Variants in SLC39A11 observed in about 807,000 individuals in gnomAD.
SLC39A11 encodes zinc transporter ZIP11.
Under a neutral mutation model 36.1 loss-of-function variants are expected in SLC39A11, and 33 were observed. The observed-to-expected ratio is 0.91, with a 90% CI of 0.69 to 1.22. The LOEUF (loss-of-function observed/expected upper bound fraction) is 1.22, where lower values mean the gene tolerates loss of function less well. Among genes scored for constraint, SLC39A11 ranks in the 50% most tolerant of loss-of-function variants. The pLI is 0.00. For synonymous variants in SLC39A11, 166 were observed against 170.3 expected (o/e 0.97, Z 0.20); for missense variants, 432 against 430.3 (o/e 1.00, Z -0.03).
intron 5 of SLC39A11, among the ~76,000 whole-genome samples, chr17:72,884,544 G>A (rs971357627): frequency 7.2e-5 from 11 of 152,232 alleles, no homozygotes; most frequent in Admixed American, 2.6e-4. Context: ...ATTTACCTGC[G>A]CTGTGTCTCG....
chr17:72,736,685 T>C lies in SLC39A11; in HGVS notation c.636A>G (p.Ile212Met), dbSNP rs750812213. The change falls in exon 7 of 10, where the codon ATA becomes ATG. Residue 212 changes from isoleucine to methionine, a missense_variant. Ile to Met is a conservative substitution (Grantham distance 10). Transcript: ENST00000255559. ...CAAAGGTAGCAGATGCCGTCTTTTC[T>C]ATAGCCCCAAATCCAACTCCAACAG... ...GLAVGVGFGAIEKTASATFES... is the reference protein window; with the variant it reads ...GLAVGVGFGAMEKTASATFES... 6.2e-7 allele frequency: 1 copy of C among 1,614,104 alleles called. No homozygotes were observed. Among genetic ancestry groups the C allele is most frequent in the Non-Finnish European group, 8.5e-7 (1 of 1,179,992 alleles).
intron 3 of SLC39A11, among the ~76,000 whole-genome samples, chr17:73,080,460 C>T (rs1346635617): frequency 6.6e-6 from 1 of 152,164 alleles, no homozygotes; most frequent in African/African-American, 2.4e-5. Context: ...GGATCCTCAT[C>T]TCTCACCTTA....
chr17:72,880,905 T>C (rs76454455), intron 5 of SLC39A11, among the ~76,000 whole-genome samples: 4 of 150,714 alleles, frequency 2.7e-5, no homozygotes, highest in African/African-American at 9.8e-5. Flanking sequence ...ATGATCTCAA[T>C]CTCCTGACCT....
At chr17:72,975,571 C>T (rs2087784053) in intron 4 of SLC39A11, among the ~76,000 whole-genome samples, 1 of 152,224 alleles carries the variant, frequency 6.6e-6, no homozygotes, top group African/African-American at 2.4e-5. Flanking sequence ...TTCACAGACA[C>T]AAATCTGCTG....
In SLC39A11 at chr17:73,040,988, A is replaced by AAAAAAC. The variant is rs143631644; in HGVS notation, c.148-9275_148-9274insGTTTTT. 1.4e-4 allele frequency among the ~76,000 whole-genome samples: 18 copies of AAAAAAC among 132,208 alleles called. No homozygotes were observed. In the East Asian group the frequency reaches 3.0e-3, roughly 22 times the overall value. The allele number at this position is 132,208 out of a possible 152,430, so 86.7% of individuals were successfully genotyped here. ...CAACAGAGTCAGACTCCATCTCAAA[A>AAAAAAC]AAAAAACAAAAAACAAAAAACAAAA... is the stretch of plus-strand genomic sequence containing the variant. On this transcript the variant is annotated intron_variant, in intron 3 of 9. Coordinates refer to ENST00000255559, the MANE Select transcript of SLC39A11 (RefSeq NM_139177.4).
chr17:72,715,488 C>T (rs534180951), intron 7 of SLC39A11, among the ~76,000 whole-genome samples: 3 of 152,218 alleles, frequency 2.0e-5, no homozygotes, highest in East Asian at 1.9e-4. Context: ...AATTATGACA[C>T]GTTACAACAT....
intron 7 of SLC39A11, among the ~76,000 whole-genome samples, chr17:72,705,836 G>A (rs1444270720): frequency 1.3e-5 from 2 of 152,146 alleles, no homozygotes; most frequent in South Asian, 2.1e-4. Context: ...GTGAATGTGC[G>A]ACATTCACTA....
intron 7 of SLC39A11, among the ~76,000 whole-genome samples, chr17:72,659,090 T>C (rs75575597): frequency 0.039 from 5,990 of 152,266 alleles, 132 homozygotes; most frequent in Middle Eastern, 0.078. Flanking sequence ...GGAAGCCTCT[T>C]CTCAGGAGTC....
rs747776910 is a variant in SLC39A11 at position 72,736,715 on chromosome 17, A to G, written c.606T>C (p.Gly202=). 2.5e-6 allele frequency: 4 copies of G among 1,613,646 alleles called. No individual in the cohort carries two copies. The highest frequency in any genetic ancestry group is 2.7e-5 in the African/African-American group (2 of 74,872). The change falls in exon 7 of 10, where the codon GGT becomes GGC. Residue 202 remains glycine, a synonymous_variant. Coordinates refer to ENST00000255559, the MANE Select transcript of SLC39A11 (RefSeq NM_139177.4). The part of the protein sequence containing the change: ...LAITIHNVPE[G]LAVGVGFGAI... ...CCCCAAATCCAACTCCAACAGCGAG[A>G]CCCTCTGAAATAGATGTAAGAAAAG...
chr17:72,783,047 G>T lies in SLC39A11; in HGVS notation c.602-46328C>A, dbSNP rs186609369. Among the ~76,000 whole-genome samples, 241 of 148,178 alleles carry T rather than the reference G, an allele frequency of 1.6e-3. 7 individuals are homozygous for T. The highest frequency in any genetic ancestry group is 0.014 in the Admixed American group (214 of 14,830). ...AGAAAAAAGAAAAGAAAAGAAAGCA[G>T]ATTTTCACCAGAAAGCAGACGATTC... On this transcript the variant is annotated intron_variant, in intron 6 of 9. Coordinates refer to ENST00000255559, the MANE Select transcript of SLC39A11 (RefSeq NM_139177.4).
At chr17:72,773,439 G>A (rs1267011716) in intron 6 of SLC39A11, among the ~76,000 whole-genome samples, 1 of 152,062 alleles carries the variant, frequency 6.6e-6, no homozygotes, top group Non-Finnish European at 1.5e-5. Flanking sequence ...GGTTTTATAA[G>A]GGGAAACCCC....
At chr17:73,090,514 C>T (rs989323408) in intron 1 of SLC39A11, among the ~76,000 whole-genome samples, 2 of 152,200 alleles carry the variant, frequency 1.3e-5, no homozygotes, top group African/African-American at 4.8e-5. Flanking sequence ...GACCATTACA[C>T]CAATCATCTA....
intron 4 of SLC39A11, among the ~76,000 whole-genome samples, chr17:73,011,795 G>A (rs1167460289): frequency 6.6e-6 from 1 of 150,774 alleles, no homozygotes; most frequent in Admixed American, 6.6e-5. Context: ...TCAAGTAGCT[G>A]GAACTACGGG....
At chr17:72,736,821 A>T (rs2074449722) in intron 6 of SLC39A11, 102 bp from the exon 7 acceptor site, 3 of 976,368 alleles carry the variant, frequency 3.1e-6, no homozygotes, top group Non-Finnish European at 4.9e-6. Flanking sequence ...TGAGGCTGCC[A>T]GTCAAAGAAA....
chr17:72,702,374 G>A (rs977137266), intron 7 of SLC39A11, among the ~76,000 whole-genome samples: 3 of 152,108 alleles, frequency 2.0e-5, no homozygotes, highest in Non-Finnish European at 1.5e-5. Flanking sequence ...AGGGAACAGT[G>A]GGCAATGTCT....
Position 72,952,029 on chromosome 17 carries a change from G to A in SLC39A11, c.307-4154C>T, listed in dbSNP as rs2085897770. 2.0e-5 allele frequency among the ~76,000 whole-genome samples: 3 copies of A among 152,086 alleles called. No homozygotes were observed. In the South Asian group the frequency reaches 6.2e-4, roughly 32 times the overall value. On this transcript the variant is annotated intron_variant, in intron 4 of 9. Coordinates refer to ENST00000255559, the MANE Select transcript of SLC39A11 (RefSeq NM_139177.4). ...AAGCTGCCCTTTTAAAAGCTAGACA[G>A]AGATCCGTTATCTCCACCTGTACCC...
chr17:72,653,271 T>C (rs1303816294), intron 7 of SLC39A11, among the ~76,000 whole-genome samples: 1 of 141,574 alleles, frequency 7.1e-6, no homozygotes, highest in Non-Finnish European at 1.5e-5. Context: ...CACCCCCCTA[T>C]TTTTTTTTTG....
At chr17:72,940,546 G>A (rs1273019172) in intron 5 of SLC39A11, among the ~76,000 whole-genome samples, 4 of 152,232 alleles carry the variant, frequency 2.6e-5, no homozygotes, top group Non-Finnish European at 5.9e-5. Context: ...GAAGTGCTGG[G>A]ATTACAGGCG....
intron 7 of SLC39A11, among the ~76,000 whole-genome samples, chr17:72,687,199 T>C (rs1164944161): frequency 2.6e-5 from 4 of 152,178 alleles, no homozygotes. Flanking sequence ...GTTAGTTTTT[T>C]TAAAAAATTT....
Sources: allele counts gnomAD v4.1 joint callset (sites outside exome capture counted in the v4.1 genomes callset), GRCh38; gene constraint gnomAD v4.1.1; transcripts MANE v1.5; gene names NCBI Gene and HGNC (gene_info 2026-07-23, HGNC 2026-07-21).